Variants in KPNA5 observed in about 807,000 individuals in gnomAD.
The protein encoded by KPNA5 is importin subunit alpha-6.
A neutral mutation model predicts 71.3 loss-of-function variants in KPNA5; 46 were observed. The ratio of observed to expected loss-of-function variants is 0.65; its 90% confidence interval spans 0.51 to 0.83. The LOEUF is 0.83. KPNA5 is among the 40% of genes least tolerant of loss of function. The probability of loss-of-function intolerance (pLI) is 0.00; values close to 1 mark genes in which losing one functional copy is unlikely to be tolerated. For missense variants in KPNA5, 547 were observed against 628.3 expected, an observed-to-expected ratio of 0.87 and a Z score of 1.38; for synonymous variants, 207 against 201.4, an observed-to-expected ratio of 1.03 and a Z score of -0.24.
chr6:116,737,096 C>T lies in KPNA5; in HGVS notation c.*4773C>T, dbSNP rs1426941479. ...TTTACATGTTTGGATATTGAATTTC[C>T]CATATTTGTTCTTCTTAACACAAGT... On this transcript the variant is annotated 3_prime_UTR_variant, in exon 14 of 14. Coordinates refer to ENST00000368564, the MANE Select transcript of KPNA5 (RefSeq NM_001366306.2). 2.0e-5 allele frequency: 3 copies of T among 151,640 alleles called. No homozygotes were observed. Among genetic ancestry groups the T allele is most frequent in the African/African-American group, 7.3e-5 (3 of 41,328 alleles). 9.4% of individuals were successfully genotyped at this position (151,640 alleles called of 1,614,324 possible).
chr6:116,708,162 C>T (rs763043528), intron 7 of KPNA5, among the ~76,000 whole-genome samples: 24 of 152,198 alleles, frequency 1.6e-4, no homozygotes, highest in Non-Finnish European at 1.0e-4. Flanking sequence ...TAGATGGACA[C>T]TTCGGTGTGT....
Position 116,688,844 on chromosome 6 carries a change from A to G in KPNA5, c.5-476A>G, listed in dbSNP as rs73555495. Among the ~76,000 whole-genome samples the G allele has an allele frequency of 3.9e-3, 588 of 152,276 alleles. 3 individuals carry two copies. Among genetic ancestry groups the G allele is most frequent in the African/African-American group, 0.013 (552 of 41,566 alleles). On this transcript the variant is annotated intron_variant, in intron 1 of 13. Transcript: ENST00000368564. ...AGTAAGTGAAAGAAGCCAGACCCCA[A>G]TAAATATTTGAGATGTGCTTACTGG...
At position 116,729,621 on chromosome 6, in the gene KPNA5, T is replaced by A. The variant is rs1323060957; in HGVS notation, c.1312T>A (p.Ser438Thr). ...TTGTGATCTTTTGACTGTTATGGACTCCAAAATAGTCCAAGTGGCTTTAAA... is the reference window on the plus strand; with the variant it reads ...TTGTGATCTTTTGACTGTTATGGACACCAAAATAGTCCAAGTGGCTTTAAA... ...PLCDLLTVMD[S>T]KIVQVALNGL... The change falls in exon 13 of 14, where the codon TCC becomes ACC. Residue 438 changes from serine (S) to threonine (T), a missense_variant. Ser to Thr is a moderately conservative substitution (Grantham distance 58, BLOSUM62 1). Transcript: ENST00000368564. The A allele has an allele frequency of 4.4e-6, 7 of 1,609,146 alleles. No individual in the cohort carries two copies. The highest frequency in any genetic ancestry group is 5.9e-6 in the Non-Finnish European group (7 of 1,177,538).
intron 8 of KPNA5, among the ~76,000 whole-genome samples, chr6:116,720,430 G>A (rs373922136): frequency 6.6e-6 from 1 of 151,786 alleles, no homozygotes; most frequent in Non-Finnish European, 1.5e-5. Context: ...AAGATACTGG[G>A]GCAGAAATGT....
chr6:116,724,564 T>C (rs1258982779), intron 10 of KPNA5, among the ~76,000 whole-genome samples, 189 bp downstream of exon 10: 1 of 151,304 alleles, frequency 6.6e-6, no homozygotes, highest in Non-Finnish European at 1.5e-5. Context: ...TCCAGCCAGA[T>C]TTGGGTTACA....
In KPNA5 at chr6:116,739,445, TGCCA is replaced by T; in HGVS notation, c.*7123_*7126del. The stretch of plus-strand genomic sequence containing the variant: ...TGCCCAAGGTAATTTATAGATTCAA[TGCCA>T]TCCCCATCAAGCTACCAATGCCTTT... On this transcript the variant is annotated 3_prime_UTR_variant, in exon 14 of 14. Transcript: ENST00000368564. The T allele has an allele frequency of 6.6e-6, 1 of 152,146 alleles. No individual in the cohort carries two copies. 9.4% of individuals were successfully genotyped at this position (152,146 alleles called of 1,614,324 possible). A position where few individuals can be genotyped will look rare whatever the true frequency, so the allele number is the denominator to read the frequency against.
chr6:116,733,693 C>T lies in KPNA5; in HGVS notation c.*1370C>T, dbSNP rs1380316280. ...AGTTATACGTAGGCTATTTATGTGT[C>T]CAATTGTATACCTAGAATACTTACT... On this transcript the variant is annotated 3_prime_UTR_variant, in exon 14 of 14. Transcript: ENST00000368564. The T allele has an allele frequency of 2.6e-5, 4 of 151,336 alleles. No individual in the cohort carries two copies. Among genetic ancestry groups the T allele is most frequent in the African/African-American group, 9.7e-5 (4 of 41,324 alleles). The allele number at this position is 151,336 out of a possible 1,614,324, so 9.4% of individuals were successfully genotyped here.
intron 7 of KPNA5, among the ~76,000 whole-genome samples, chr6:116,713,004 A>C (rs1230928564): frequency 6.6e-6 from 1 of 152,174 alleles, no homozygotes; most frequent in African/African-American, 2.4e-5. Context: ...TTATTGCCAC[A>C]AATTGCATTA....
intron 12 of KPNA5, 27 bp downstream of exon 12, chr6:116,726,649 T>C: frequency 6.6e-7 from 1 of 1,512,740 alleles, no homozygotes; most frequent in Non-Finnish European, 8.8e-7. Context: ...TTAATTGTTT[T>C]TTACATGTAA....
Position 116,732,303 on chromosome 6 carries a change from A to G in KPNA5, c.1600A>G (p.Met534Val), listed in dbSNP as rs373135563. Reference protein sequence around the residue: ...QFIFQQQEAPMDGFQL With the variant: ...QFIFQQQEAPVDGFQL The stretch of plus-strand genomic sequence containing the variant: ...TATATTTCAGCAGCAGGAAGCACCA[A>G]TGGATGGATTTCAACTTTAACTTAC... Residue 534 changes from methionine (M) to valine (V), a missense_variant, in exon 14 of 14, where the codon ATG (methionine) becomes GTG (valine). Transcript: ENST00000368564. 18 of 1,514,082 alleles carry G rather than the reference A, an allele frequency of 1.2e-5. No homozygotes were observed. The highest frequency in any genetic ancestry group is 4.1e-5 in the Admixed American group (2 of 49,254). 93.8% of individuals were successfully genotyped at this position (1,514,082 alleles called of 1,614,324 possible). A position where few individuals can be genotyped will look rare whatever the true frequency, so the allele number is the denominator to read the frequency against.
intron 7 of KPNA5, among the ~76,000 whole-genome samples, chr6:116,708,554 G>C (rs750964290): frequency 7.2e-5 from 11 of 152,076 alleles, no homozygotes; most frequent in Non-Finnish European, 1.2e-4. Flanking sequence ...TAATATTAAG[G>C]CTTCCAATTC....
intron 10 of KPNA5, among the ~76,000 whole-genome samples, chr6:116,725,094 A>T (rs1464538136): frequency 2.0e-5 from 3 of 152,206 alleles, no homozygotes; most frequent in African/African-American, 7.2e-5. Flanking sequence ...ATTGACAGTT[A>T]TTCATTTAAT....
chr6:116,703,961 C>T (rs1778335759), intron 6 of KPNA5, among the ~76,000 whole-genome samples: 1 of 152,076 alleles, frequency 6.6e-6, no homozygotes, highest in Non-Finnish European at 1.5e-5. Flanking sequence ...TTTACACAAA[C>T]CTGGATGGTT....
intron 13 of KPNA5, among the ~76,000 whole-genome samples, chr6:116,730,017 C>T: frequency 6.9e-6 from 1 of 145,056 alleles, no homozygotes; most frequent in African/African-American, 2.5e-5. Context: ...TTTTACATTT[C>T]TACATAATTT....
At chr6:116,729,542 C>T (rs759447404) in intron 12 of KPNA5, 21 bp from the exon 13 acceptor site, 50 of 1,388,068 alleles carry the variant, frequency 3.6e-5, no homozygotes, top group Admixed American at 1.3e-4. Context: ...CCTGTTTCTT[C>T]TCTTTTATAT....
chr6:116,716,434 G>T, intron 8 of KPNA5, 116 bp downstream of exon 8: 1 of 731,316 alleles, frequency 1.4e-6, no homozygotes, highest in Non-Finnish European at 2.3e-6. Flanking sequence ...TTTCTTTATT[G>T]ACCAATGTTT....
At chr6:116,681,359 GC>G in intron 1 of KPNA5, 21 bp downstream of exon 1, 1 of 1,584,992 alleles carries the variant, frequency 6.3e-7, no homozygotes. Flanking sequence ...GTGAACACGG[GC>G]TAGGTTGGGG....
At chr6:116,687,642 C>A (rs1004954826) in intron 1 of KPNA5, among the ~76,000 whole-genome samples, 2 of 152,218 alleles carry the variant, frequency 1.3e-5, no homozygotes, top group African/African-American at 4.8e-5. Flanking sequence ...TCCGTATTCT[C>A]TGTCTTATGT....
intron 7 of KPNA5, among the ~76,000 whole-genome samples, chr6:116,714,869 A>G (rs949980606): frequency 1.3e-5 from 2 of 152,128 alleles, no homozygotes; most frequent in African/African-American, 4.8e-5. Flanking sequence ...ATTTCTTGGA[A>G]ACAAGTTCTG....
Sources: allele counts gnomAD v4.1 joint callset (sites outside exome capture counted in the v4.1 genomes callset), GRCh38; gene constraint gnomAD v4.1.1; transcripts MANE v1.5; gene names NCBI Gene and HGNC (gene_info 2026-07-23, HGNC 2026-07-21).